RB1: variants seen among roughly 807,000 people sequenced by gnomAD.
RB1 encodes RB transcriptional corepressor 1, also known as retinoblastoma-associated protein.
RB1 carries 18 observed loss-of-function variants against 135.4 expected under a neutral mutation model. That is an observed-to-expected ratio of 0.13 (90% CI 0.09 to 0.20). RB1 has a LOEUF of 0.20. RB1 is among the 10% of genes least tolerant of loss of function. The pLI, the probability that RB1 is intolerant of heterozygous loss-of-function variation, is 1.00. For missense variants in RB1, 868 were observed against 1,110.0 expected, an observed-to-expected ratio of 0.78 and a Z score of 3.10; for synonymous variants, 365 against 373.2, an observed-to-expected ratio of 0.98 and a Z score of 0.25.
At chr13:48,465,777 G>A (rs558312778) in intron 23 of RB1, among the ~76,000 whole-genome samples, 12 of 151,218 alleles carry the variant, frequency 7.9e-5, no homozygotes, top group African/African-American at 2.9e-4. Flanking sequence ...TTCCCTTTCC[G>A]AGTCAAAGAA....
intron 17 of RB1, among the ~76,000 whole-genome samples, chr13:48,416,861 C>G (rs1481426665): frequency 6.6e-6 from 1 of 152,200 alleles, no homozygotes; most frequent in East Asian, 1.9e-4. Context: ...CCAACTGCTT[C>G]TCTAGAGTCC....
intron 18 of RB1, among the ~76,000 whole-genome samples, chr13:48,454,730 C>T (rs1021108321): frequency 2.6e-5 from 4 of 152,194 alleles, no homozygotes; most frequent in East Asian, 1.9e-4. Context: ...GATATTTTGA[C>T]GTCACACCTG....
intron 6 of RB1, among the ~76,000 whole-genome samples, chr13:48,356,848 A>G (rs527657038): frequency 2.6e-5 from 4 of 152,022 alleles, no homozygotes; most frequent in African/African-American, 7.2e-5. Context: ...TATGTTTGAC[A>G]TGTTTAGGAA....
intron 17 of RB1, chr13:48,412,615 G>T (rs2233571): frequency 9.8e-6 from 6 of 614,092 alleles, no homozygotes; most frequent in Non-Finnish European, 1.5e-5. Context: ...TAAAATTTCC[G>T]CTGGGTTCTT....
At chr13:48,465,151 A>G in intron 22 of RB1, 40 bp downstream of exon 22, 1 of 1,612,382 alleles carries the variant, frequency 6.2e-7, no homozygotes, top group Non-Finnish European at 8.5e-7. Context: ...AATCTAATGT[A>G]ATGGGTCCAC....
At position 48,362,492 on chromosome 13, in the gene RB1, CT is replaced by C. The variant is rs148037416; in HGVS notation, c.719-315del. Among the ~76,000 whole-genome samples, 3,619 of 151,922 alleles carry C rather than the reference CT, an allele frequency of 0.024. 155 individuals carry two copies. The highest frequency in any genetic ancestry group is 0.083 in the African/African-American group (3,452 of 41,448). ...ATTTTTAAGACTCTAGGACAGAAAA[CT>C]TTTTTTTCCTCTTGCAGACTAAAAT... On this transcript the variant is annotated intron_variant, in intron 7 of 26. Transcript: ENST00000267163.
At chr13:48,391,620 A>ATT (rs1284387748) in intron 17 of RB1, 2 of 149,010 alleles carry the variant, frequency 1.3e-5, no homozygotes, top group African/African-American at 2.5e-5. Flanking sequence ...AAGCATTTCT[A>ATT]TTTTTTTTTT....
chr13:48,458,720 C>T (rs1040426721), intron 19 of RB1, among the ~76,000 whole-genome samples: 1 of 151,890 alleles, frequency 6.6e-6, no homozygotes, highest in African/African-American at 2.4e-5. Flanking sequence ...TCATGCAAGT[C>T]GTTGAAAGAG....
At chr13:48,474,745 G>A (rs1202744456) in intron 24 of RB1, among the ~76,000 whole-genome samples, 1 of 152,076 alleles carries the variant, frequency 6.6e-6, no homozygotes, top group South Asian at 2.1e-4. Flanking sequence ...AGATCCAAGG[G>A]AAAGCTTTGC....
intron 17 of RB1, among the ~76,000 whole-genome samples, chr13:48,397,819 A>C (rs1329482839): frequency 6.6e-6 from 1 of 152,152 alleles, no homozygotes; most frequent in Non-Finnish European, 1.5e-5. Flanking sequence ...TTGAAATGTC[A>C]AAATTGATGG....
chr13:48,466,253 G>A (rs1412221211), intron 23 of RB1, among the ~76,000 whole-genome samples: 1,883 of 63,074 alleles, frequency 0.03, 77 homozygotes, highest in African/African-American at 0.079. Flanking sequence ...CCTGACCCCT[G>A]ACCCCCGAGC....
intron 1 of RB1, among the ~76,000 whole-genome samples, chr13:48,305,713 G>T (rs1351460747): frequency 6.6e-6 from 1 of 152,074 alleles, no homozygotes; most frequent in African/African-American, 2.4e-5. Flanking sequence ...TACCCACAAA[G>T]GGTTTCATTA....
At chr13:48,464,471 A>T (rs1949424326) in intron 21 of RB1, among the ~76,000 whole-genome samples, 1 of 152,216 alleles carries the variant, frequency 6.6e-6, no homozygotes. Context: ...GTTTTTCCCT[A>T]AAATTTGAGT....
intron 17 of RB1, among the ~76,000 whole-genome samples, chr13:48,396,169 A>ATATATATAG (rs1948646444): frequency 6.6e-6 from 1 of 152,174 alleles, no homozygotes; most frequent in African/African-American, 2.4e-5. Context: ...ATAGAACCTA[A>ATATATATAG]AAAGAGCCCA....
rs1949530692 is a variant in RB1 at position 48,480,265 on chromosome 13, A to T, written c.*194A>T. The stretch of plus-strand genomic sequence containing the variant: ...CTTGAAATGTTAGTCATTGTTATTT[A>T]TACAAGATTGAAAATCTTGTGTAAA... On this transcript the variant is annotated 3_prime_UTR_variant, in exon 27 of 27. Coordinates refer to ENST00000267163, the MANE Select transcript of RB1 (RefSeq NM_000321.3). The T allele has an allele frequency of 1.7e-6, 1 of 593,432 alleles. No individual in the cohort carries two copies. The highest frequency in any genetic ancestry group is 3.0e-6 in the Non-Finnish European group (1 of 329,638). 36.8% of individuals were successfully genotyped at this position (593,432 alleles called of 1,614,324 possible).
intron 1 of RB1, 116 bp from the exon 2 acceptor site, chr13:48,307,164 A>G: frequency 1.3e-6 from 1 of 771,772 alleles, no homozygotes; most frequent in Non-Finnish European, 2.1e-6. Context: ...ATCTTAAAGT[A>G]TTTAATAATG....
At chr13:48,310,653 T>A (rs1308669218) in intron 2 of RB1, among the ~76,000 whole-genome samples, 4 of 152,120 alleles carry the variant, frequency 2.6e-5, no homozygotes, top group Non-Finnish European at 5.9e-5. Context: ...TATTTTTTTT[T>A]AGGAGAACTT....
chr13:48,330,943 G>A lies in RB1; in HGVS notation c.265-11656G>A, dbSNP rs78670843. 1.6e-3 allele frequency among the ~76,000 whole-genome samples: 237 copies of A among 152,294 alleles called. 1 individual carries two copies. Among genetic ancestry groups the A allele is most frequent in the African/African-American group, 5.6e-3 (232 of 41,572 alleles). ...GCACATTAAAGGGATCATACATCAT[G>A]ATGAAATTGGATTTATCTCTGGGAT... On this transcript the variant is annotated intron_variant, in intron 2 of 26. Transcript: ENST00000267163.
rs146127081 is a variant in RB1, at chr13:48,325,193, A to G, written c.265-17406A>G. ...CCCCTGTGTGTGTCCATGTGTTCTCATTATCTAGCTCCTACTTATAAGTGA... is the reference window on the plus strand; with the variant it reads ...CCCCTGTGTGTGTCCATGTGTTCTCGTTATCTAGCTCCTACTTATAAGTGA... On this transcript the variant is annotated intron_variant, in intron 2 of 26. Transcript: ENST00000267163. 5.2e-3 allele frequency among the ~76,000 whole-genome samples: 785 copies of G among 152,136 alleles called. 4 individuals carry two copies. The highest frequency in any genetic ancestry group is 8.2e-3 in the Non-Finnish European group (557 of 67,978).
Sources: gnomAD v4.1 joint callset for allele counts (sites outside exome capture counted in the v4.1 genomes callset) on GRCh38, gnomAD v4.1.1 for gene constraint, MANE v1.5 for transcripts, NCBI Gene and HGNC (gene_info 2026-07-23, HGNC 2026-07-21) for gene names.